SLC22A25: variants seen among roughly 807,000 people sequenced by gnomAD.
SLC22A25 encodes the protein solute carrier family 22 member 25, also known as MGI:2442751, MGI:2385316, MGI:3042283, MGI:3645714, MGI:3605624, MGI:2442750.
SLC22A25 carries 44 observed loss-of-function variants against 45.9 expected under a neutral mutation model. The observed-to-expected ratio is 0.96, with a 90% CI of 0.75 to 1.23. The LOEUF (loss-of-function observed/expected upper bound fraction) is 1.23, where lower values mean the gene tolerates loss of function less well. SLC22A25 is among the 50% of genes most tolerant of loss of function. SLC22A25 has a pLI of 0.00. For missense variants in SLC22A25, 800 were observed against 666.4 expected (o/e 1.20, Z -2.21); for synonymous variants, 283 against 238.6 (o/e 1.19, Z -1.72).
chr11:63,183,600 G>A (rs2134737929), intron 8 of SLC22A25, 94 bp downstream of exon 8: 3 of 1,529,612 alleles, frequency 2.0e-6, no homozygotes, highest in Non-Finnish European at 1.8e-6. Flanking sequence ...CTCTACCTGT[G>A]TTTCTCTCCT....
At chr11:63,198,587 AG>A (rs1212665782) in intron 7 of SLC22A25, among the ~76,000 whole-genome samples, 1 of 152,134 alleles carries the variant, frequency 6.6e-6, no homozygotes, top group African/African-American at 2.4e-5. Context: ...GGGATGGGGG[AG>A]GGATAGCATT....
At chr11:63,194,889 G>GAAAAAAAAAAAAAAAAAAAAAAAAAAAA (rs1565091135) in intron 7 of SLC22A25, among the ~76,000 whole-genome samples, 1 of 14,288 alleles carries the variant, frequency 7.0e-5, no homozygotes, top group Non-Finnish European at 1.4e-4. Context: ...CAAATGGAAA[G>GAAAAAAAAAAAAAAAAAAAAAAAAAAAA]CAAAAAAAAA....
chr11:63,235,906 T>C (rs2090154594), intron 3 of SLC22A25, among the ~76,000 whole-genome samples: 1 of 152,212 alleles, frequency 6.6e-6, no homozygotes, highest in Non-Finnish European at 1.5e-5. Context: ...ACTGGAGCTC[T>C]ACCCCAGAGC....
intron 9 of SLC22A25, among the ~76,000 whole-genome samples, chr11:63,178,172 T>C (rs1056905728): frequency 3.9e-5 from 6 of 151,988 alleles, no homozygotes; most frequent in African/African-American, 1.4e-4. Context: ...ATTACAGGTG[T>C]GGGCCACCAC....
In SLC22A25 at chr11:63,160,231, C is replaced by G. The variant is rs1370047671; in HGVS notation, c.*3593G>C. Reference sequence around the variant, plus strand: ...GGCATGTCAGAGACCTTTGTGACAGCCCTTCCTATCACAGGCCTGGAGGCC... The same window carrying G: ...GGCATGTCAGAGACCTTTGTGACAGGCCTTCCTATCACAGGCCTGGAGGCC... On this transcript the variant is annotated 3_prime_UTR_variant, in exon 12 of 12. Coordinates refer to ENST00000306494, the MANE Select transcript of SLC22A25 (RefSeq NM_199352.6). Among the ~76,000 whole-genome samples, 1 of 152,198 alleles carries G rather than the reference C, an allele frequency of 6.6e-6. No individual in the cohort carries two copies. The highest frequency in any genetic ancestry group is 1.5e-5 in the Non-Finnish European group (1 of 68,034).
In SLC22A25 at chr11:63,180,789, A is replaced by G; in HGVS notation, c.955-14T>C. ...GGATTTCAAAACCTTCAACAACAACAGAAGCAATAAACTGTTCAGTTGTCA... is the reference window on the plus strand; with the variant it reads ...GGATTTCAAAACCTTCAACAACAACGGAAGCAATAAACTGTTCAGTTGTCA... On this transcript the variant is annotated splice_polypyrimidine_tract_variant and intron_variant, in intron 8 of 11. Coordinates refer to ENST00000306494, the MANE Select transcript of SLC22A25 (RefSeq NM_199352.6). 1 of 1,593,422 alleles carries G rather than the reference A, an allele frequency of 6.3e-7. No homozygotes were observed. Among genetic ancestry groups the G allele is most frequent in the Non-Finnish European group, 8.6e-7 (1 of 1,162,746 alleles).
chr11:63,186,114 G>A (rs1259666165), intron 7 of SLC22A25, among the ~76,000 whole-genome samples: 1 of 146,908 alleles, frequency 6.8e-6, no homozygotes, highest in African/African-American at 2.5e-5. Flanking sequence ...CTGAGGAATT[G>A]CCACACTGAC....
At chr11:63,234,156 C>T (rs1200515815) in intron 3 of SLC22A25, among the ~76,000 whole-genome samples, 2 of 152,150 alleles carry the variant, frequency 1.3e-5, no homozygotes, top group Non-Finnish European at 2.9e-5. Context: ...ATTAGGTCCG[C>T]TTGGTGCAGA....
rs1159613432 is a variant in SLC22A25 at position 63,229,970 on chromosome 11, T to G, written c.-318A>C. Among the ~76,000 whole-genome samples the G allele has an allele frequency of 6.6e-6, 1 of 152,214 alleles. No homozygotes were observed. Among genetic ancestry groups the G allele is most frequent in the East Asian group, 1.9e-4 (1 of 5,202 alleles). On this transcript the variant is annotated 5_prime_UTR_variant, in exon 4 of 12. Transcript: ENST00000306494. Reference sequence around the variant, plus strand: ...ATTGATGTCTTTAGTAGCTCCCCAATAGCAGCATTGAACTTTGGTCTGCAC... The same window carrying G: ...ATTGATGTCTTTAGTAGCTCCCCAAGAGCAGCATTGAACTTTGGTCTGCAC...
intron 7 of SLC22A25, among the ~76,000 whole-genome samples, chr11:63,188,493 C>G (rs1286597557): frequency 6.6e-6 from 1 of 152,160 alleles, no homozygotes; most frequent in Non-Finnish European, 1.5e-5. Context: ...TTTCAAAAAA[C>G]CAGCTCCTGG....
rs999828297 is a variant in SLC22A25, at chr11:63,158,877, T to G, written c.*4947A>C. On this transcript the variant is annotated 3_prime_UTR_variant, in exon 12 of 12. Transcript: ENST00000306494. Reference sequence around the variant, plus strand: ...TTCCAACTTCCTTTTTTCCCCCCATTAACTATTCCCACTTCCCCTGAAGCA... The same window carrying G: ...TTCCAACTTCCTTTTTTCCCCCCATGAACTATTCCCACTTCCCCTGAAGCA... Among the ~76,000 whole-genome samples, 1 of 152,178 alleles carries G rather than the reference T, an allele frequency of 6.6e-6. No homozygotes were observed. Among genetic ancestry groups the G allele is most frequent in the African/African-American group, 2.4e-5 (1 of 41,436 alleles).
At chr11:63,180,501 A>G (rs142743378) in intron 9 of SLC22A25, among the ~76,000 whole-genome samples, 159 bp downstream of exon 9, 20 of 152,304 alleles carry the variant, frequency 1.3e-4, no homozygotes, top group African/African-American at 4.8e-4. Context: ...CAGCCTTTTC[A>G]TAACCCTTTT....
chr11:63,180,321 G>C (rs767202601), intron 9 of SLC22A25, among the ~76,000 whole-genome samples: 4 of 152,066 alleles, frequency 2.6e-5, no homozygotes, highest in Non-Finnish European at 5.9e-5. Flanking sequence ...TCATTGATCT[G>C]TGTACATTCA....
At chr11:63,200,548 A>G (rs1466936963) in intron 7 of SLC22A25, among the ~76,000 whole-genome samples, 1 of 152,082 alleles carries the variant, frequency 6.6e-6, no homozygotes, top group Non-Finnish European at 1.5e-5. Flanking sequence ...CACAAACAAC[A>G]TAATACTGAA....
chr11:63,232,264 A>T (rs1371681984), intron 3 of SLC22A25, among the ~76,000 whole-genome samples: 1 of 152,184 alleles, frequency 6.6e-6, no homozygotes, highest in Non-Finnish European at 1.5e-5. Context: ...CCTACCCGTG[A>T]GCATGGAATG....
At chr11:63,196,787 A>G (rs1242721056) in intron 7 of SLC22A25, among the ~76,000 whole-genome samples, 5 of 152,204 alleles carry the variant, frequency 3.3e-5, no homozygotes, top group African/African-American at 9.6e-5. Context: ...AATAAAGGGT[A>G]TTCAATTAGG....
At chr11:63,224,044 G>A (rs2089906692) in intron 5 of SLC22A25, among the ~76,000 whole-genome samples, 1 of 152,072 alleles carries the variant, frequency 6.6e-6, no homozygotes, top group Non-Finnish European at 1.5e-5. Flanking sequence ...GTTCAATATT[G>A]AAAGTGGGGT....
chr11:63,160,420 A>T lies in SLC22A25; in HGVS notation c.*3404T>A, dbSNP rs1209823518. On this transcript the variant is annotated 3_prime_UTR_variant, in exon 12 of 12. Transcript: ENST00000306494. ...AGCTTCCATGTGGTGTTGAGCCTAC[A>T]GGTGCAAAGAAGTCAAGAATTGAGG... Among the ~76,000 whole-genome samples, 1 of 152,208 alleles carries T rather than the reference A, an allele frequency of 6.6e-6. No homozygotes were observed. Among genetic ancestry groups the T allele is most frequent in the Non-Finnish European group, 1.5e-5 (1 of 68,032 alleles).
intron 5 of SLC22A25, among the ~76,000 whole-genome samples, chr11:63,228,001 G>A (rs1281148222): frequency 6.6e-6 from 1 of 152,196 alleles, no homozygotes; most frequent in Non-Finnish European, 1.5e-5. Context: ...CCAGTGCTGG[G>A]GGATGGAGAT....
Sources: allele counts gnomAD v4.1 joint callset (sites outside exome capture counted in the v4.1 genomes callset), GRCh38; gene constraint gnomAD v4.1.1; transcripts MANE v1.5; gene names NCBI Gene and HGNC (gene_info 2026-07-23, HGNC 2026-07-21).